The following SSH1 variants were observed in gnomAD, a reference collection of about 807,000 sequenced individuals.
SSH1 encodes the protein slingshot protein phosphatase 1.
In SSH1, 43 loss-of-function variants were observed where a neutral mutation model predicts 79.7. The ratio of observed to expected loss-of-function variants is 0.54; its 90% CI spans 0.42 to 0.70. The LOEUF (loss-of-function observed/expected upper bound fraction) is 0.70, where lower values mean the gene tolerates loss of function less well. Among genes scored for constraint, SSH1 ranks in the 30% least tolerant of loss-of-function variants. SSH1 has a pLI of 0.00. For missense variants in SSH1, 1,206 were observed against 1,358.8 expected, an observed-to-expected ratio of 0.89 and a Z score of 1.77; for synonymous variants, 599 against 538.3, an observed-to-expected ratio of 1.11 and a Z score of -1.56.
Position 108,804,358 on chromosome 12 carries a change from T to C in SSH1, c.954+698A>G, listed in dbSNP as rs998779879. ...CGGCCCTGGTGGGCCCTGATTTTCA[T>C]TACACCACTAGGCCTCTCTAATTTT... On this transcript the variant is annotated intron_variant, in intron 10 of 14. Coordinates refer to ENST00000326495, the MANE Select transcript of SSH1 (RefSeq NM_018984.4). 7.2e-5 allele frequency among the ~76,000 whole-genome samples: 11 copies of C among 152,372 alleles called. No individual in the cohort carries two copies. In the East Asian group the frequency reaches 2.1e-3, roughly 29 times the overall value.
chr12:108,843,702 T>A (rs1307864150), intron 2 of SSH1, among the ~76,000 whole-genome samples: 4 of 152,060 alleles, frequency 2.6e-5, no homozygotes, highest in Non-Finnish European at 5.9e-5. Context: ...ACTCGGCTAA[T>A]TTTTGTATTT....
At chr12:108,808,658 C>T (rs1007008738) in intron 7 of SSH1, among the ~76,000 whole-genome samples, 1 of 152,132 alleles carries the variant, frequency 6.6e-6, no homozygotes, top group African/African-American at 2.4e-5. Flanking sequence ...TACATTTCCA[C>T]CCATCCCCCC....
At chr12:108,836,871 C>T (rs777916311) in intron 2 of SSH1, 15 of 528,844 alleles carry the variant, frequency 2.8e-5, no homozygotes, top group Non-Finnish European at 5.9e-5. Flanking sequence ...GGTGGAATCA[C>T]ACAAGAACAT....
intron 6 of SSH1, among the ~76,000 whole-genome samples, chr12:108,810,555 T>C (rs1288224090): frequency 1.3e-5 from 2 of 152,076 alleles, no homozygotes; most frequent in Non-Finnish European, 2.9e-5. Flanking sequence ...ACAAAGATAT[T>C]AAAATTAAAA....
chr12:108,856,427 G>A (rs1042514646), intron 1 of SSH1, among the ~76,000 whole-genome samples: 1 of 152,198 alleles, frequency 6.6e-6, no homozygotes, highest in Non-Finnish European at 1.5e-5. Flanking sequence ...ACAAAAACGC[G>A]CACAGTGCCA....
chr12:108,811,473 T>C, intron 5 of SSH1, 145 bp from the exon 6 acceptor site: 5 of 743,064 alleles, frequency 6.7e-6, no homozygotes, highest in Non-Finnish European at 9.7e-6. Context: ...CACTGATGAA[T>C]TCTAGAAGAC....
chr12:108,821,239 ACAC>A (rs1162963307), intron 3 of SSH1, among the ~76,000 whole-genome samples: 2 of 151,780 alleles, frequency 1.3e-5, no homozygotes, highest in East Asian at 3.9e-4. Flanking sequence ...ACACACACAC[ACAC>A]AACTAGCTGG....
At position 108,786,926 on chromosome 12, in the gene SSH1, G is replaced by C. The variant is rs998128228; in HGVS notation, c.*1062C>G. 1 of 152,316 alleles carries C rather than the reference G, an allele frequency of 6.6e-6. No individual in the cohort carries two copies. The highest frequency in any genetic ancestry group is 1.5e-5 in the Non-Finnish European group (1 of 68,120). The allele number at this position is 152,316 out of a possible 1,614,324, so 9.4% of individuals were successfully genotyped here. A position where few individuals can be genotyped will look rare whatever the true frequency, so the allele number is the denominator to read the frequency against. ...CCTCTTATACTCCCTCACTGCTGCT[G>C]GGAAGAGCTGGAGGGAAACAGGAAG... is the stretch of plus-strand genomic sequence containing the variant. On this transcript the variant is annotated 3_prime_UTR_variant, in exon 15 of 15. Coordinates refer to ENST00000326495, the MANE Select transcript of SSH1 (RefSeq NM_018984.4).
At chr12:108,795,392 G>T (rs898923580) in intron 13 of SSH1, among the ~76,000 whole-genome samples, 2 of 152,008 alleles carry the variant, frequency 1.3e-5, no homozygotes, top group African/African-American at 4.8e-5. Context: ...TGAGATTACA[G>T]GCACACGCCA....
At position 108,807,342 on chromosome 12, in the gene SSH1, G is replaced by A. The variant is rs926863600; in HGVS notation, c.731+291C>T. On this transcript the variant is annotated intron_variant, in intron 8 of 14. Transcript: ENST00000326495. The surrounding 1 kb of genome is among the most constrained non-coding windows in gnomAD (Gnocchi z 5.2). ...CTGGAAGGAGTTGGGGACACAAAGG[G>A]CCACACATTCCTTTGAGAGTCTGAT... Among the ~76,000 whole-genome samples, 1 of 152,108 alleles carries A rather than the reference G, an allele frequency of 6.6e-6. No individual in the cohort carries two copies. The highest frequency in any genetic ancestry group is 1.5e-5 in the Non-Finnish European group (1 of 68,026).
intron 2 of SSH1, among the ~76,000 whole-genome samples, chr12:108,843,525 T>TTTG (rs929601527): frequency 2.0e-5 from 3 of 151,874 alleles, no homozygotes; most frequent in African/African-American, 7.3e-5. Context: ...CTTAATAATG[T>TTTG]TTGTTGTTGT....
At chr12:108,797,589 A>G (rs1158204859) in intron 13 of SSH1, among the ~76,000 whole-genome samples, 1 of 152,202 alleles carries the variant, frequency 6.6e-6, no homozygotes, top group Non-Finnish European at 1.5e-5. Context: ...CTCAGCTGGC[A>G]GAGAGAAGCA....
In SSH1 at chr12:108,789,152, C is replaced by G. The variant is rs753303979; in HGVS notation, c.1986G>C (p.Glu662Asp). Reference sequence around the variant, plus strand: ...GGTCCTCACATCGCTCCCTGGAGGCCTCAGGAGCCCCGCTGGCTGTAGGGT... The same window carrying G: ...GGTCCTCACATCGCTCCCTGGAGGCGTCAGGAGCCCCGCTGGCTGTAGGGT... ...CMYPTASGAPEASRERCEDPN... is the reference protein window; with the variant it reads ...CMYPTASGAPDASRERCEDPN... Residue 662 changes from glutamate (E) to aspartate (D), a missense_variant, in exon 15 of 15, where the codon GAG becomes GAC. Glu to Asp is a conservative substitution (Grantham distance 45). Coordinates refer to ENST00000326495, the MANE Select transcript of SSH1 (RefSeq NM_018984.4). The G allele has an allele frequency of 1.2e-6, 2 of 1,613,052 alleles. No homozygotes were observed. The highest frequency in any genetic ancestry group is 2.2e-5 in the South Asian group (2 of 90,948).
chr12:108,780,190 C>G lies in SSH1; in HGVS notation c.*7798G>C, dbSNP rs1026764391. 1 of 152,214 alleles carries G rather than the reference C, an allele frequency of 6.6e-6. No homozygotes were observed. Among genetic ancestry groups the G allele is most frequent in the African/African-American group, 2.4e-5 (1 of 41,452 alleles). The allele number at this position is 152,214 out of a possible 1,614,324, so 9.4% of individuals were successfully genotyped here. ...GAATCCCCCTAAGTTCCAAGCCGTCCTCTGTGCTGCCTTTGGAGCCTCTCC... is the reference window on the plus strand; with the variant it reads ...GAATCCCCCTAAGTTCCAAGCCGTCGTCTGTGCTGCCTTTGGAGCCTCTCC... On this transcript the variant is annotated 3_prime_UTR_variant, in exon 15 of 15. Coordinates refer to ENST00000326495, the MANE Select transcript of SSH1 (RefSeq NM_018984.4).
In SSH1 at chr12:108,780,023, G is replaced by C. The variant is rs999398180; in HGVS notation, c.*7965C>G. The C allele has an allele frequency of 6.6e-6, 1 of 152,218 alleles. No homozygotes were observed. The highest frequency in any genetic ancestry group is 2.4e-5 in the African/African-American group (1 of 41,448). 9.4% of individuals were successfully genotyped at this position (152,218 alleles called of 1,614,324 possible). A position where few individuals can be genotyped will look rare whatever the true frequency, so the allele number is the denominator to read the frequency against. ...ATCACAGACCACAATGCCCAGTTTG[G>C]AGAATTCCAGGGGATTCTTTATGTA... On this transcript the variant is annotated 3_prime_UTR_variant, in exon 15 of 15. Transcript: ENST00000326495.
In SSH1 at chr12:108,785,889, G is replaced by A. The variant is rs971500176; in HGVS notation, c.*2099C>T. 1 of 152,126 alleles carries A rather than the reference G, an allele frequency of 6.6e-6. No homozygotes were observed. The highest frequency in any genetic ancestry group is 6.6e-5 in the Admixed American group (1 of 15,256). 9.4% of individuals were successfully genotyped at this position (152,126 alleles called of 1,614,324 possible). ...ATTTTTTGAGGCTATGCTTTTGTTG[G>A]CTGAGGGAAAGGGGGAACAACCCAC... On this transcript the variant is annotated 3_prime_UTR_variant, in exon 15 of 15. Transcript: ENST00000326495.
Position 108,788,029 on chromosome 12 carries a change from G to A in SSH1, c.3109C>T (p.Pro1037Ser), listed in dbSNP as rs767277564. The stretch of plus-strand genomic sequence containing the variant: ...CACGAAGGGCTCTTTAAGTTTTCTG[G>A]GGCGGGTTTCCCTGATGGTTTGGAG... The part of the protein sequence containing the change: ...ATSKPSGKPA[P>S]ENLKSPSWMS... Residue 1037 changes from proline (P) to serine (S), a missense_variant, in exon 15 of 15, where the codon CCA becomes TCA. Pro to Ser is a moderately conservative substitution (Grantham distance 74). Around this residue, in one of 5 missense-constraint regions of SSH1, gnomAD observed 709 missense variants for 730.6 expected, o/e 0.97. Transcript: ENST00000326495. The A allele has an allele frequency of 1.6e-5, 26 of 1,613,938 alleles. No homozygotes were observed. Among genetic ancestry groups the A allele is most frequent in the Non-Finnish European group, 1.9e-5 (22 of 1,180,018 alleles).
chr12:108,792,672 A>C lies in SSH1; in HGVS notation c.1507T>G (p.Leu503Val). 6.2e-7 allele frequency: 1 copy of C among 1,612,242 alleles called. No individual in the cohort carries two copies. The highest frequency in any genetic ancestry group is 1.1e-5 in the South Asian group (1 of 91,072). The change falls in exon 14 of 15, where the codon TTA becomes GTA. Residue 503 changes from leucine to valine, a missense_variant. Physicochemically the swap from Leu to Val is conservative, Grantham distance 32 (BLOSUM62 1). This residue lies in a region of SSH1 where 709 missense variants were observed against 730.6 expected (regional missense o/e 0.97). Coordinates refer to ENST00000326495, the MANE Select transcript of SSH1 (RefSeq NM_018984.4). ...AAACAGCAGGGGAGGGGGGGCCCTA[A>C]GCCGGGCTGGGCGGCATCATCCAAG... ...PFLDDAAQPG[L>V]GPPLPCCFRR...
In SSH1 at chr12:108,788,544, A is replaced by T; in HGVS notation, c.2594T>A (p.Leu865His). 1 of 1,575,870 alleles carries T rather than the reference A, an allele frequency of 6.3e-7. No homozygotes were observed. The highest frequency in any genetic ancestry group is 8.6e-7 in the Non-Finnish European group (1 of 1,160,358). ...CATAACCAGGGGGCCCAGCTCGTGG[A>T]GCGCGGCTGGATCCTGGCTCTCCTC... ...IPEESQDPAA[L>H]HELGPLVMPS... Residue 865 changes from leucine (L) to histidine (H), a missense_variant, in exon 15 of 15, where the codon CTC becomes CAC. By Grantham distance (99) the Leu-to-His change is moderately conservative (BLOSUM62 -3). Around this residue, in one of 5 missense-constraint regions of SSH1, gnomAD observed 709 missense variants for 730.6 expected, o/e 0.97. Transcript: ENST00000326495.
Sources: allele counts gnomAD v4.1 joint callset (sites outside exome capture counted in the v4.1 genomes callset), GRCh38; gene constraint gnomAD v4.1.1; regional missense constraint gnomAD v4.1.1; non-coding constraint Gnocchi (gnomAD v3.1); transcripts MANE v1.5; gene names NCBI Gene and HGNC (gene_info 2026-07-23, HGNC 2026-07-21).